The following MRPL35 variants were observed in gnomAD, a reference collection of about 807,000 sequenced individuals.
MRPL35 encodes mitochondrial ribosomal protein L35, also known as large ribosomal subunit protein bL35m.
Under a neutral mutation model 21.6 loss-of-function variants are expected in MRPL35, and 18 were observed. That is an observed-to-expected ratio of 0.83 (90% CI 0.58 to 1.24). The LOEUF is 1.24. Ranked by LOEUF, MRPL35 falls within the 50% of genes most tolerant of loss-of-function variation. The probability of loss-of-function intolerance (pLI) is 0.00; values close to 1 mark genes in which losing one functional copy is unlikely to be tolerated. For missense variants in MRPL35, 223 were observed against 223.2 expected, an observed-to-expected ratio of 1.00 and a Z score of 0.01; for synonymous variants, 87 against 86.9, an observed-to-expected ratio of 1.00 and a Z score of -0.01.
rs1003491566 is a variant in MRPL35, at chr2:86,207,285, T to C, written c.336T>C (p.Asp112=). The C allele has an allele frequency of 1.9e-6, 3 of 1,613,892 alleles. No individual in the cohort carries two copies. The highest frequency in any genetic ancestry group is 3.3e-5 in the Admixed American group (2 of 60,008). The change falls in exon 3 of 4, where the codon GAT becomes GAC. Residue 112 remains aspartate (D), a synonymous_variant. Coordinates refer to ENST00000337109, the MANE Select transcript of MRPL35 (RefSeq NM_016622.4). The part of the protein sequence containing the change: ...GKRKTVKAVI[D]RFLRLHCGLW... ...GAAAGACCGTGAAAGCTGTCATCGA[T>C]AGGTTTCTTCGACTTCATTGTGGCC... is the stretch of plus-strand genomic sequence containing the variant.
chr2:86,206,306 T>C lies in MRPL35; in HGVS notation c.233+11T>C. On this transcript the variant is annotated intron_variant, in intron 2 of 3. Transcript: ENST00000337109. ...AGTGATCCTTAATAGGTAGAGTATA[T>C]TTCTTTGTGGGGTTTTTTTTGTTTT... is the stretch of plus-strand genomic sequence containing the variant. 1 of 1,579,212 alleles carries C rather than the reference T, an allele frequency of 6.3e-7. No individual in the cohort carries two copies. The highest frequency in any genetic ancestry group is 2.2e-5 in the East Asian group (1 of 44,712).
At chr2:86,209,852 T>G (rs1001583271) in intron 3 of MRPL35, among the ~76,000 whole-genome samples, 1 of 152,032 alleles carries the variant, frequency 6.6e-6, no homozygotes, top group Non-Finnish European at 1.5e-5. Flanking sequence ...CTACAAAAAT[T>G]TAAAAAGTAG....
At chr2:86,208,559 G>A (rs1271381168) in intron 3 of MRPL35, among the ~76,000 whole-genome samples, 3 of 152,208 alleles carry the variant, frequency 2.0e-5, no homozygotes, top group South Asian at 2.1e-4. Context: ...CACCTGTCTC[G>A]GCCTCCCAAA....
intron 1 of MRPL35, among the ~76,000 whole-genome samples, chr2:86,205,784 G>A (rs1252087577): frequency 6.6e-6 from 1 of 152,188 alleles, no homozygotes; most frequent in African/African-American, 2.4e-5. Context: ...TCTCACCAGA[G>A]TATAAGATCT....
intron 2 of MRPL35, 143 bp from the exon 3 acceptor site, chr2:86,207,040 A>G (rs1673812012): frequency 3.9e-6 from 3 of 775,854 alleles, no homozygotes; most frequent in Non-Finnish European, 5.9e-6. Flanking sequence ...GCTTAATGTC[A>G]TGGGTCATTG....
intron 1 of MRPL35, among the ~76,000 whole-genome samples, chr2:86,205,306 A>G (rs1205145101): frequency 6.6e-6 from 1 of 152,214 alleles, no homozygotes; most frequent in Non-Finnish European, 1.5e-5. Context: ...AAGCTAGAGA[A>G]AAGAAAGTCA....
At chr2:86,201,896 A>G (rs576517596) in intron 1 of MRPL35, among the ~76,000 whole-genome samples, 1 of 152,314 alleles carries the variant, frequency 6.6e-6, no homozygotes, top group Middle Eastern at 3.4e-3. Context: ...CCAAATGTAC[A>G]TCGTCACCTT....
intron 1 of MRPL35, among the ~76,000 whole-genome samples, chr2:86,202,206 A>G (rs1477843197): frequency 1.3e-5 from 2 of 152,216 alleles, no homozygotes; most frequent in East Asian, 3.8e-4. Context: ...ACTGCTCTCA[A>G]CCAAGATCCC....
chr2:86,208,670 G>A (rs1179466507), intron 3 of MRPL35, among the ~76,000 whole-genome samples: 1 of 152,100 alleles, frequency 6.6e-6, no homozygotes, highest in African/African-American at 2.4e-5. Flanking sequence ...AAAATGAAAT[G>A]GGTGGGTTTC....
Position 86,212,984 on chromosome 2 carries a change from C to A in MRPL35, c.*2316C>A. On this transcript the variant is annotated 3_prime_UTR_variant, in exon 4 of 4. Transcript: ENST00000337109. ...ACATACATACTGTCTAACTGCTAAT[C>A]CACATTTCCAGTCTTACAAAGGACA... 2.8e-6 allele frequency: 2 copies of A among 713,472 alleles called. No homozygotes were observed. Among genetic ancestry groups the A allele is most frequent in the Non-Finnish European group, 3.4e-6 (2 of 581,940 alleles). 44.2% of individuals were successfully genotyped at this position (713,472 alleles called of 1,614,324 possible).
chr2:86,211,367 C>A lies in MRPL35; in HGVS notation c.*699C>A, dbSNP rs1002792824. The A allele has an allele frequency of 1.0e-6, 1 of 977,274 alleles. No individual in the cohort carries two copies. The highest frequency in any genetic ancestry group is 1.2e-6 in the Non-Finnish European group (1 of 822,752). The allele number at this position is 977,274 out of a possible 1,614,324, so 60.5% of individuals were successfully genotyped here. ...GCCAGACTACCTTTTTATACTAGGT[C>A]TGGTTGGGTCATTGTCTAGAGTAGG... is the stretch of plus-strand genomic sequence containing the variant. On this transcript the variant is annotated 3_prime_UTR_variant, in exon 4 of 4. Coordinates refer to ENST00000337109, the MANE Select transcript of MRPL35 (RefSeq NM_016622.4).
rs1673892707 is a variant in MRPL35, at chr2:86,210,992, G to C, written c.*324G>C. 9.9e-7 allele frequency: 1 copy of C among 1,005,264 alleles called. No individual in the cohort carries two copies. Among genetic ancestry groups the C allele is most frequent in the African/African-American group, 1.7e-5 (1 of 57,940 alleles). The allele number at this position is 1,005,264 out of a possible 1,614,324, so 62.3% of individuals were successfully genotyped here. On this transcript the variant is annotated 3_prime_UTR_variant, in exon 4 of 4. Transcript: ENST00000337109. The stretch of plus-strand genomic sequence containing the variant: ...ACTCAAAAGCTACAAGTTAGCTCAA[G>C]CAATGTGACATTATTTCAAGGATAT...
At chr2:86,206,024 G>A (rs1673781616) in intron 1 of MRPL35, 82 bp from the exon 2 acceptor site, 9 of 1,197,052 alleles carry the variant, frequency 7.5e-6, no homozygotes, top group Non-Finnish European at 1.1e-5. Context: ...TTTAATACTT[G>A]GTGGCAGTGA....
chr2:86,208,820 C>A (rs564728527), intron 3 of MRPL35, among the ~76,000 whole-genome samples: 13 of 152,144 alleles, frequency 8.5e-5, no homozygotes, highest in Admixed American at 2.6e-4. Context: ...AATGCCCTGC[C>A]TCTTCAAAAT....
intron 1 of MRPL35, among the ~76,000 whole-genome samples, chr2:86,199,799 G>A (rs1354086069): frequency 4.6e-5 from 7 of 152,132 alleles, no homozygotes; most frequent in African/African-American, 1.2e-4. Flanking sequence ...AAACTGGAAC[G>A]GAGGGGGCGA....
chr2:86,209,676 A>C (rs900792223), intron 3 of MRPL35, among the ~76,000 whole-genome samples: 1 of 152,192 alleles, frequency 6.6e-6, no homozygotes. Context: ...GAAAATAATA[A>C]ATGAAGCAAT....
chr2:86,201,330 CT>C (rs34676333), intron 1 of MRPL35, among the ~76,000 whole-genome samples: 1 of 152,062 alleles, frequency 6.6e-6, no homozygotes, highest in East Asian at 1.9e-4. Flanking sequence ...TTTTATTGGC[CT>C]TTTGAATTTC....
intron 1 of MRPL35, 23 bp downstream of exon 1, chr2:86,199,556 C>T (rs978999967): frequency 6.2e-7 from 1 of 1,613,908 alleles, no homozygotes; most frequent in African/African-American, 1.3e-5. Flanking sequence ...CGACATACTC[C>T]ATGCATGCCT....
intron 2 of MRPL35, among the ~76,000 whole-genome samples, chr2:86,206,717 T>C (rs982450525): frequency 6.6e-6 from 1 of 152,220 alleles, no homozygotes; most frequent in Non-Finnish European, 1.5e-5. Flanking sequence ...CTTCTGATGT[T>C]GTATGTGTGC....
Sources: gnomAD v4.1 joint callset for allele counts (sites outside exome capture counted in the v4.1 genomes callset) on GRCh38, gnomAD v4.1.1 for gene constraint, MANE v1.5 for transcripts, NCBI Gene and HGNC (gene_info 2026-07-23, HGNC 2026-07-21) for gene names.